MICA: variants seen among roughly 807,000 people sequenced by gnomAD.
MICA encodes HLA class I antigen.
A neutral mutation model predicts 34.3 loss-of-function variants in MICA; 18 were observed. The observed-to-expected ratio is 0.52, with a 90% CI of 0.36 to 0.78. The LOEUF is 0.78. Among genes scored for constraint, MICA ranks in the 30% least tolerant of loss-of-function variants. The probability of loss-of-function intolerance (pLI) is 0.00; values close to 1 mark genes in which losing one functional copy is unlikely to be tolerated. For missense variants in MICA, 333 were observed against 409.4 expected (o/e 0.81, Z 1.61); for synonymous variants, 135 against 156.9 (o/e 0.86, Z 1.04).
At chr6:31,402,158 C>T (rs955706454), upstream of MICA, 6 of 151,554 alleles carry the variant, frequency 4.0e-5, no homozygotes, top group Non-Finnish European at 8.8e-5. Flanking sequence ...ATTTTAAAGG[C>T]TAGTCAAGTG....
chr6:31,413,331 C>T (rs1771315373), intron 5 of MICA, among the ~76,000 whole-genome samples: 1 of 151,814 alleles, frequency 6.6e-6, no homozygotes, highest in African/African-American at 2.4e-5. Flanking sequence ...GGACACAGTC[C>T]TCAGGGCCCA....
chr6:31,402,278 T>G (rs1770472310), upstream of MICA: 1 of 151,942 alleles, frequency 6.6e-6, no homozygotes, highest in African/African-American at 2.4e-5. Context: ...TATGGTGTGG[T>G]CTGATGGGTT....
Position 31,408,802 on chromosome 6 carries a change from G to A in MICA, c.71-1741G>A, listed in dbSNP as rs1159475092. 1.3e-5 allele frequency among the ~76,000 whole-genome samples: 2 copies of A among 148,466 alleles called. 1 individual carries two copies. Among genetic ancestry groups the A allele is most frequent in the Admixed American group, 1.3e-4 (2 of 14,934 alleles). The stretch of plus-strand genomic sequence containing the variant: ...GTGGATCACCTGAGTTTCGGAGTTC[G>A]AAACCAGCCTGGCCAACATGGTGAA... On this transcript the variant is annotated intron_variant, in intron 1 of 5. Coordinates refer to ENST00000449934, the MANE Select transcript of MICA (RefSeq NM_001177519.3).
rs758250550 is a variant in MICA at position 31,410,629 on chromosome 6, G to A, written c.157G>A (p.Gly53Ser). 1.2e-6 allele frequency: 2 copies of A among 1,613,600 alleles called. No homozygotes were observed. Among genetic ancestry groups the A allele is most frequent in the South Asian group, 2.2e-5 (2 of 91,056 alleles). Residue 53 changes from glycine to serine, a missense_variant, in exon 2 of 6, where the codon GGT becomes AGT. Gly to Ser is a moderately conservative substitution (Grantham distance 56). Transcript: ENST00000449934. ...GTTTCTTGCTGAGGTACATCTGGAT[G>A]GTCAGCCCTTCCTGCGCTATGACAG... ...SGFLAEVHLD[G>S]QPFLRYDRQK...
chr6:31,412,623 C>T (rs1771263051), intron 5 of MICA, among the ~76,000 whole-genome samples, 163 bp downstream of exon 5: 1 of 151,824 alleles, frequency 6.6e-6, no homozygotes, highest in Non-Finnish European at 1.5e-5. Context: ...TCTCCATCTA[C>T]ACCCATAAGT....
chr6:31,408,318 G>T (rs1035498084), intron 1 of MICA, among the ~76,000 whole-genome samples: 2 of 151,842 alleles, frequency 1.3e-5, no homozygotes, highest in African/African-American at 4.8e-5. Flanking sequence ...TTTTTATGAT[G>T]TGTCTTTGCC....
intron 1 of MICA, among the ~76,000 whole-genome samples, chr6:31,407,934 G>C (rs1228456216): frequency 6.6e-6 from 1 of 151,780 alleles, no homozygotes; most frequent in Non-Finnish European, 1.5e-5. Flanking sequence ...CCAGATCTTA[G>C]AGAAAAGGCT....
At chr6:31,408,874 G>A (rs62395260) in intron 1 of MICA, among the ~76,000 whole-genome samples, 3,355 of 151,602 alleles carry the variant, frequency 0.022, 94 homozygotes, top group African/African-American at 0.044. Flanking sequence ...GCGTGATGGC[G>A]GGTGCCTGTA....
chr6:31,404,106 G>A (rs1770612795), intron 1 of MICA, among the ~76,000 whole-genome samples: 1 of 151,702 alleles, frequency 6.6e-6, no homozygotes, highest in Non-Finnish European at 1.5e-5. Flanking sequence ...GCGGCTCTCA[G>A]GTCCCTGAAG....
upstream of MICA, among the ~76,000 whole-genome samples, chr6:31,401,596 G>C (rs3099846): frequency 6.6e-6 from 1 of 151,146 alleles, no homozygotes; most frequent in African/African-American, 2.4e-5. Flanking sequence ...AGGCATTCAA[G>C]GCTGCAGTGA....
chr6:31,410,912 T>C (rs1771095562), intron 2 of MICA, 115 bp downstream of exon 2: 4 of 1,467,012 alleles, frequency 2.7e-6, no homozygotes, highest in Non-Finnish European at 3.6e-6. Flanking sequence ...GGGTGAGGAA[T>C]GGGGGTCAGT....
upstream of MICA, among the ~76,000 whole-genome samples, chr6:31,401,414 G>A (rs1425721104): frequency 2.0e-5 from 3 of 151,678 alleles, no homozygotes; most frequent in Non-Finnish European, 4.4e-5. Context: ...TAATGACAGG[G>A]ATAGTTGAAC....
chr6:31,410,524 G>A lies in MICA; in HGVS notation c.71-19G>A, dbSNP rs2853992. On this transcript the variant is annotated intron_variant, in intron 1 of 5. Coordinates refer to ENST00000449934, the MANE Select transcript of MICA (RefSeq NM_001177519.3). ...TTACTTCCAGGAAGAAGTTTCACCT[G>A]TGATTTCCTCTTCCCCAGAGCCCCA... 131,209 of 1,606,474 alleles carry A rather than the reference G, an allele frequency of 0.082. 7,215 individuals are homozygous for A. The highest frequency in any genetic ancestry group is 0.21 in the African/African-American group (15,926 of 74,526).
intron 5 of MICA, among the ~76,000 whole-genome samples, chr6:31,413,350 G>A (rs1239823428): frequency 6.6e-6 from 1 of 151,744 alleles, no homozygotes; most frequent in Non-Finnish European, 1.5e-5. Flanking sequence ...CATGTTTTTG[G>A]GGATTTAATC....
intron 1 of MICA, among the ~76,000 whole-genome samples, chr6:31,410,196 C>G (rs1266426244): frequency 4.0e-5 from 6 of 151,866 alleles, no homozygotes; most frequent in Non-Finnish European, 8.8e-5. Context: ...CCCATTCCCA[C>G]CATCCCCTCT....
intron 1 of MICA, among the ~76,000 whole-genome samples, chr6:31,406,485 A>C (rs2857281): frequency 0.11 from 16,134 of 151,148 alleles, 1,300 homozygotes; most frequent in African/African-American, 0.17. Context: ...GTTTGAAAAT[A>C]TTTTCTCCCA....
intron 1 of MICA, among the ~76,000 whole-genome samples, chr6:31,404,906 C>T (rs1467733250): frequency 6.6e-6 from 1 of 151,554 alleles, no homozygotes; most frequent in Non-Finnish European, 1.5e-5. Context: ...CTGGTCCCTC[C>T]GCCCCTCTCC....
At chr6:31,404,865 C>T (rs189600525) in intron 1 of MICA, among the ~76,000 whole-genome samples, 4,645 of 151,482 alleles carry the variant, frequency 0.031, 116 homozygotes, top group Non-Finnish European at 0.044. Context: ...GGACCCCACC[C>T]TCCAGCCCAC....
rs767344473 is a variant in MICA, at chr6:31,411,142, T to A, written c.396T>A (p.His132Gln). 17 of 1,612,152 alleles carry A rather than the reference T, an allele frequency of 1.1e-5. No individual in the cohort carries two copies. The highest frequency in any genetic ancestry group is 1.4e-5 in the Non-Finnish European group (17 of 1,179,660). The change falls in exon 3 of 6, where the codon CAT (histidine) becomes CAA (glutamine). Residue 132 changes from histidine (H) to glutamine (Q), a missense_variant. Coordinates refer to ENST00000449934, the MANE Select transcript of MICA (RefSeq NM_001177519.3). The surrounding 1 kb of genome is among the most constrained non-coding windows in gnomAD (Gnocchi z 4.3). Reference sequence around the variant, plus strand: ...ACAACAGCACCAGGAGCTCCCAGCATTTCTACTACGATGGGGAGCTCTTCC... The same window carrying A: ...ACAACAGCACCAGGAGCTCCCAGCAATTCTACTACGATGGGGAGCTCTTCC... ...HEDNSTRSSQ[H>Q]FYYDGELFLS...
Sources: allele counts gnomAD v4.1 joint callset (sites outside exome capture counted in the v4.1 genomes callset), GRCh38; gene constraint gnomAD v4.1.1; non-coding constraint Gnocchi (gnomAD v3.1); transcripts MANE v1.5; gene names NCBI Gene and HGNC (gene_info 2026-07-23, HGNC 2026-07-21).